GCA: variants seen among roughly 807,000 people sequenced by gnomAD.
GCA encodes grancalcin, also known as grancalcin, EF-hand calcium-binding protein.
Under a neutral mutation model 32.6 loss-of-function variants are expected in GCA, and 30 were observed. The observed-to-expected ratio is 0.92, with a 90% CI of 0.69 to 1.25. GCA has a LOEUF of 1.25. Ranked by LOEUF, GCA falls within the 50% of genes most tolerant of loss-of-function variation. The probability of loss-of-function intolerance (pLI) is 0.00; values close to 1 mark genes in which losing one functional copy is unlikely to be tolerated. For missense variants in GCA, 291 were observed against 266.8 expected, an observed-to-expected ratio of 1.09 and a Z score of -0.63; for synonymous variants, 102 against 84.6, an observed-to-expected ratio of 1.21 and a Z score of -1.13.
rs149370658 is a variant in GCA at position 162,328,808 on chromosome 2, A to G, written c.-31+9583A>G. 9.9e-4 allele frequency among the ~76,000 whole-genome samples: 151 copies of G among 152,288 alleles called. 1 individual carries two copies. Among genetic ancestry groups the G allele is most frequent in the African/African-American group, 3.5e-3 (147 of 41,562 alleles). On this transcript the variant is annotated intron_variant, in intron 1 of 4. Transcript: ENST00000429691. ...TACTGGAAAAATCGGAATCAATCAC[A>G]TCTGGGCTTGGAGAATGAGTGCAAG...
Position 162,344,158 on chromosome 2 carries a change from C to T in GCA, c.-91C>T. On this transcript the variant is annotated 5_prime_UTR_variant, in exon 1 of 8. Transcript: ENST00000437150. ...GTGCGCCTTTCAGCCTCACCTGCAG[C>T]TGCGCCTCCTTGCACCTGCGCCTGT... 2.9e-6 allele frequency: 4 copies of T among 1,386,654 alleles called. No homozygotes were observed. The highest frequency in any genetic ancestry group is 3.1e-6 in the Non-Finnish European group (3 of 977,342). 85.9% of individuals were successfully genotyped at this position (1,386,654 alleles called of 1,614,324 possible).
intron 1 of GCA, among the ~76,000 whole-genome samples, chr2:162,322,570 A>G (rs1265571353): frequency 2.6e-4 from 23 of 87,218 alleles, no homozygotes; most frequent in Middle Eastern, 0.012. Flanking sequence ...CCCCCACCCC[A>G]CAACAGTCCC....
chr2:162,344,127 C>A (rs1471514165), upstream of GCA: 5 of 998,932 alleles, frequency 5.0e-6, no homozygotes, highest in Admixed American at 3.8e-5. Context: ...GTGAACTGTG[C>A]GGTTAGTGCG....
At chr2:162,352,878 T>A (rs1192116847) in intron 3 of GCA, among the ~76,000 whole-genome samples, 1 of 152,208 alleles carries the variant, frequency 6.6e-6, no homozygotes, top group African/African-American at 2.4e-5. Context: ...ACCTTATTTT[T>A]ACTATCTGAA....
intron 1 of GCA, among the ~76,000 whole-genome samples, chr2:162,333,716 A>G (rs1684172145): frequency 6.6e-6 from 1 of 152,184 alleles, no homozygotes; most frequent in Non-Finnish European, 1.5e-5. Context: ...TTAATAGAGA[A>G]AAATAAATAA....
At chr2:162,337,730 T>C (rs1684315493) in intron 1 of GCA, among the ~76,000 whole-genome samples, 1 of 152,184 alleles carries the variant, frequency 6.6e-6, no homozygotes, top group South Asian at 2.1e-4. Context: ...TAAGTTTTTT[T>C]CTCTTTCTTT....
chr2:162,327,421 A>C (rs1050582504), intron 1 of GCA, among the ~76,000 whole-genome samples: 2 of 152,034 alleles, frequency 1.3e-5, no homozygotes, highest in Non-Finnish European at 2.9e-5. Context: ...AAAAGGGGGG[A>C]TGCTAGGAGA....
downstream of GCA, among the ~76,000 whole-genome samples, chr2:162,367,119 C>T (rs1300805831): frequency 6.6e-6 from 1 of 151,836 alleles, no homozygotes; most frequent in Admixed American, 6.6e-5. Flanking sequence ...TAGATGCTAA[C>T]ACCATTTTTT....
intron 2 of GCA, among the ~76,000 whole-genome samples, chr2:162,351,111 A>G (rs1412237442): frequency 2.0e-5 from 3 of 152,214 alleles, no homozygotes; most frequent in Non-Finnish European, 4.4e-5. Flanking sequence ...TATTCTAAAC[A>G]GTAAGGATTA....
chr2:162,324,263 A>G (rs1253107215), intron 1 of GCA, among the ~76,000 whole-genome samples: 1 of 152,176 alleles, frequency 6.6e-6, no homozygotes, highest in East Asian at 1.9e-4. Flanking sequence ...TTGACTTGGT[A>G]TACTGGAAGA....
chr2:162,329,142 A>G (rs895396401), intron 1 of GCA, among the ~76,000 whole-genome samples: 1 of 151,902 alleles, frequency 6.6e-6, no homozygotes, highest in Non-Finnish European at 1.5e-5. Context: ...GTGGCAGGCC[A>G]GTGTGGTCTT....
rs937021857 is a variant in GCA, at chr2:162,361,647, A to G, written c.*1404A>G. The G allele has an allele frequency of 3.5e-5, 34 of 984,244 alleles. No individual in the cohort carries two copies. Among genetic ancestry groups the G allele is most frequent in the East Asian group, 2.3e-4 (2 of 8,790 alleles). The allele number at this position is 984,244 out of a possible 1,614,324, so 61.0% of individuals were successfully genotyped here. A position where few individuals can be genotyped will look rare whatever the true frequency, so the allele number is the denominator to read the frequency against. On this transcript the variant is annotated 3_prime_UTR_variant, in exon 8 of 8. Transcript: ENST00000437150. ...ATAGTCACTTGACACTGATAATTTT[A>G]TATAATTTGCTGTCAAATTCACTTG...
intron 1 of GCA, among the ~76,000 whole-genome samples, chr2:162,326,887 C>G (rs1162439305): frequency 6.6e-6 from 1 of 152,226 alleles, no homozygotes; most frequent in African/African-American, 2.4e-5. Flanking sequence ...TCCCTCCACT[C>G]TCCACCCCTT....
At chr2:162,338,018 G>T (rs1194089149) in intron 1 of GCA, among the ~76,000 whole-genome samples, 1 of 152,140 alleles carries the variant, frequency 6.6e-6, no homozygotes, top group East Asian at 1.9e-4. Context: ...TTTTGCAACT[G>T]CTTTGATCTG....
In GCA at chr2:162,361,444, C is replaced by T; in HGVS notation, c.*1201C>T. 4.1e-6 allele frequency: 4 copies of T among 977,240 alleles called. No homozygotes were observed. Among genetic ancestry groups the T allele is most frequent in the Non-Finnish European group, 4.9e-6 (4 of 822,814 alleles). The allele number at this position is 977,240 out of a possible 1,614,324, so 60.5% of individuals were successfully genotyped here. A position where few individuals can be genotyped will look rare whatever the true frequency, so the allele number is the denominator to read the frequency against. Reference sequence around the variant, plus strand: ...ATGCTTTAAATGTGTATTTTCTAACCTAACAGTGAGTGACATAATTTTATG... The same window carrying T: ...ATGCTTTAAATGTGTATTTTCTAACTTAACAGTGAGTGACATAATTTTATG... On this transcript the variant is annotated 3_prime_UTR_variant, in exon 8 of 8. Transcript: ENST00000437150.
chr2:162,358,126 G>A (rs1372698423), intron 5 of GCA, among the ~76,000 whole-genome samples: 1 of 151,344 alleles, frequency 6.6e-6, no homozygotes, highest in African/African-American at 2.4e-5. Flanking sequence ...CCTTTGAATT[G>A]ATTAGTGTCA....
chr2:162,371,675 A>T (rs1325007046), downstream of GCA: 1 of 856,444 alleles, frequency 1.2e-6, no homozygotes, highest in Non-Finnish European at 1.7e-6. Flanking sequence ...GCTCAGTTTT[A>T]CCTTACAAGC....
At chr2:162,368,726 G>T (rs1024318005) in intron 4 of GCA, among the ~76,000 whole-genome samples, 3 of 152,044 alleles carry the variant, frequency 2.0e-5, no homozygotes. Context: ...GAGTAGGATA[G>T]TTGTGCTCTG....
Position 162,354,297 on chromosome 2 carries a change from G to C in GCA, c.262+1890G>C, listed in dbSNP as rs147087789. 1.8e-4 allele frequency among the ~76,000 whole-genome samples: 28 copies of C among 152,300 alleles called. 1 individual carries two copies. Among genetic ancestry groups the C allele is most frequent in the African/African-American group, 6.7e-4 (28 of 41,576 alleles). On this transcript the variant is annotated intron_variant, in intron 3 of 7. Coordinates refer to ENST00000437150, the MANE Select transcript of GCA (RefSeq NM_012198.5). ...TTTTGTCTTGGAACTCTGGGTGTCA[G>C]TATCTTTAGGGATTCCCTTTTGGAC...
Sources: allele counts gnomAD v4.1 joint callset (sites outside exome capture counted in the v4.1 genomes callset), GRCh38; gene constraint gnomAD v4.1.1; transcripts MANE v1.5; gene names NCBI Gene and HGNC (gene_info 2026-07-23, HGNC 2026-07-21).